The following ABHD16A variants were observed in gnomAD, a reference collection of about 807,000 sequenced individuals.
The protein encoded by ABHD16A is phosphatidylserine lipase ABHD16A.
A neutral mutation model predicts 89.8 loss-of-function variants in ABHD16A; 47 were observed. The ratio of observed to expected loss-of-function variants is 0.52; its 90% CI spans 0.41 to 0.67. ABHD16A has a LOEUF of 0.67. ABHD16A is among the 30% of genes least tolerant of loss of function. The pLI is 0.00. For synonymous variants in ABHD16A, 251 were observed against 280.4 expected (o/e 0.90, Z 1.05); for missense variants, 580 against 734.6 (o/e 0.79, Z 2.43).
chr6:31,701,867 C>T (rs1805040499), intron 2 of ABHD16A, among the ~76,000 whole-genome samples: 1 of 152,172 alleles, frequency 6.6e-6, no homozygotes, highest in South Asian at 2.1e-4. Context: ...AGGTTGCCCC[C>T]AGAGAAAGCA....
Position 31,688,876 on chromosome 6 carries a change from GC to G in ABHD16A, c.1187-91del. The G allele has an allele frequency of 6.8e-7, 1 of 1,471,182 alleles. No individual in the cohort carries two copies. The highest frequency in any genetic ancestry group is 9.3e-7 in the Non-Finnish European group (1 of 1,071,138). The allele number at this position is 1,471,182 out of a possible 1,614,324, so 91.1% of individuals were successfully genotyped here. A position where few individuals can be genotyped will look rare whatever the true frequency, so the allele number is the denominator to read the frequency against. On this transcript the variant is annotated intron_variant, in intron 13 of 19. Transcript: ENST00000395952. The surrounding 1 kb of genome is among the most constrained non-coding windows in gnomAD (Gnocchi z 4.9). ...CTATTCACGGAGAAAGAAAACTGAG[GC>G]CCCCAGACAAAGGAGTCCTCCTGCT...
chr6:31,702,420 C>T (rs959974642), intron 1 of ABHD16A, among the ~76,000 whole-genome samples: 1 of 152,060 alleles, frequency 6.6e-6, no homozygotes, highest in Admixed American at 6.6e-5. Flanking sequence ...ATTGCAGGCG[C>T]GTGCATGTGG....
chr6:31,688,643 G>A lies in ABHD16A; in HGVS notation c.1250+80C>T. Reference sequence around the variant, plus strand: ...TGGCCTTTTACCAACTTGCACTTTAGTACTAGTTTCAGGGTTTGAGCGCCC... The same window carrying A: ...TGGCCTTTTACCAACTTGCACTTTAATACTAGTTTCAGGGTTTGAGCGCCC... On this transcript the variant is annotated intron_variant, in intron 14 of 19. Transcript: ENST00000395952. The surrounding 1 kb of genome is among the most constrained non-coding windows in gnomAD (Gnocchi z 4.9). The A allele has an allele frequency of 6.6e-7, 1 of 1,518,108 alleles. No individual in the cohort carries two copies. Among genetic ancestry groups the A allele is most frequent in the South Asian group, 1.1e-5 (1 of 88,084 alleles). 94.0% of individuals were successfully genotyped at this position (1,518,108 alleles called of 1,614,324 possible). A position where few individuals can be genotyped will look rare whatever the true frequency, so the allele number is the denominator to read the frequency against.
rs988219793 is a variant in ABHD16A, at chr6:31,690,377, G to A, written c.907+162C>T. ...TAGGGACACAGGCCAGGGGAGGGAT[G>A]TAAGGTTATCAAAGCAAATGGCGAG... On this transcript the variant is annotated intron_variant, in intron 10 of 19. Transcript: ENST00000395952. This position sits in a 1 kb window ranked among gnomAD's most constrained non-coding sequence, Gnocchi z 4.1. The A allele has an allele frequency of 1.3e-5, 10 of 793,824 alleles. No homozygotes were observed. The highest frequency in any genetic ancestry group is 1.2e-4 in the African/African-American group (7 of 58,216). 49.2% of individuals were successfully genotyped at this position (793,824 alleles called of 1,614,324 possible).
rs1240917005 is a variant in ABHD16A, at chr6:31,698,691, T to A, written c.344-1658A>T. On this transcript the variant is annotated intron_variant, in intron 4 of 19. Transcript: ENST00000395952. This position sits in a 1 kb window ranked among gnomAD's most constrained non-coding sequence, Gnocchi z 4.1. ...TTTTCTAAATTAAAAATAAATAAAA[T>A]AAAAAACTAAGACAAAACTGAGCAG... is the stretch of plus-strand genomic sequence containing the variant. Among the ~76,000 whole-genome samples, 1 of 151,988 alleles carries A rather than the reference T, an allele frequency of 6.6e-6. No individual in the cohort carries two copies. Among genetic ancestry groups the A allele is most frequent in the African/African-American group, 2.4e-5 (1 of 41,346 alleles).
Position 31,693,545 on chromosome 6 carries a change from A to C in ABHD16A, c.430-113T>G, listed in dbSNP as rs1804113986. The C allele has an allele frequency of 1.8e-5, 18 of 990,466 alleles. No individual in the cohort carries two copies. The South Asian group carries it at 2.5e-4, about 14-fold the overall frequency. The allele number at this position is 990,466 out of a possible 1,614,324, so 61.4% of individuals were successfully genotyped here. ...GTCTGATCCCCACACATCATGGGGA[A>C]ACCAAGCGGAGGTCAATACCCTCCC... On this transcript the variant is annotated intron_variant, in intron 5 of 19. Transcript: ENST00000395952. The surrounding 1 kb of genome is among the most constrained non-coding windows in gnomAD (Gnocchi z 5.0).
Position 31,693,330 on chromosome 6 carries a change from G to A in ABHD16A, c.503+29C>T. On this transcript the variant is annotated intron_variant, in intron 6 of 19. Coordinates refer to ENST00000395952, the MANE Select transcript of ABHD16A (RefSeq NM_021160.3). The surrounding 1 kb of genome is among the most constrained non-coding windows in gnomAD (Gnocchi z 5.0). ...ATTTTCTGGAATGGTTCTAAGGGGA[G>A]AGATACAGCAAAAGAACTGGGGCCT... 1 of 1,612,022 alleles carries A rather than the reference G, an allele frequency of 6.2e-7. No homozygotes were observed. The highest frequency in any genetic ancestry group is 8.5e-7 in the Non-Finnish European group (1 of 1,179,050).
intron 1 of ABHD16A, 31 bp from the exon 2 acceptor site, chr6:31,702,161 C>T: frequency 6.2e-7 from 1 of 1,609,776 alleles, no homozygotes; most frequent in Non-Finnish European, 8.5e-7. Context: ...CTTAAGGACC[C>T]TGCCCACTGG....
In ABHD16A at chr6:31,693,547, C is replaced by A. The variant is rs968513591; in HGVS notation, c.430-115G>T. On this transcript the variant is annotated intron_variant, in intron 5 of 19. Coordinates refer to ENST00000395952, the MANE Select transcript of ABHD16A (RefSeq NM_021160.3). The surrounding 1 kb of genome is among the most constrained non-coding windows in gnomAD (Gnocchi z 5.0). Reference sequence around the variant, plus strand: ...CTGATCCCCACACATCATGGGGAAACCAAGCGGAGGTCAATACCCTCCCAA... The same window carrying A: ...CTGATCCCCACACATCATGGGGAAAACAAGCGGAGGTCAATACCCTCCCAA... 10 of 976,122 alleles carry A rather than the reference C, an allele frequency of 1.0e-5. No individual in the cohort carries two copies. Among genetic ancestry groups the A allele is most frequent in the Non-Finnish European group, 1.6e-5 (10 of 637,018 alleles). 60.5% of individuals were successfully genotyped at this position (976,122 alleles called of 1,614,324 possible). A position where few individuals can be genotyped will look rare whatever the true frequency, so the allele number is the denominator to read the frequency against.
At chr6:31,702,466 C>G in intron 1 of ABHD16A, 1 of 865,156 alleles carries the variant, frequency 1.2e-6, no homozygotes, top group East Asian at 2.9e-5. Context: ...GAAAAGACAC[C>G]TAGACAATCT....
At chr6:31,697,495 C>T (rs1465719727) in intron 4 of ABHD16A, among the ~76,000 whole-genome samples, 6 of 152,166 alleles carry the variant, frequency 3.9e-5, no homozygotes, top group Non-Finnish European at 8.8e-5. Context: ...TCTCCGACTC[C>T]TGCCCATAAT....
intron 1 of ABHD16A, chr6:31,702,796 G>A: frequency 7.0e-7 from 1 of 1,436,012 alleles, no homozygotes; most frequent in Non-Finnish European, 9.2e-7. Flanking sequence ...GAGGAAACTG[G>A]GAGTCTGACA....
In ABHD16A at chr6:31,690,438, C is replaced by T. The variant is rs1309481751; in HGVS notation, c.907+101G>A. 1 of 1,316,678 alleles carries T rather than the reference C, an allele frequency of 7.6e-7. No individual in the cohort carries two copies. The highest frequency in any genetic ancestry group is 1.5e-5 in the African/African-American group (1 of 68,632). 81.6% of individuals were successfully genotyped at this position (1,316,678 alleles called of 1,614,324 possible). On this transcript the variant is annotated intron_variant, in intron 10 of 19. Coordinates refer to ENST00000395952, the MANE Select transcript of ABHD16A (RefSeq NM_021160.3). This position sits in a 1 kb window ranked among gnomAD's most constrained non-coding sequence, Gnocchi z 4.1. The stretch of plus-strand genomic sequence containing the variant: ...CCTAAAGCTGAGAGACTCAAAACCT[C>T]ACCCAGAGAAAGCAGAGGCCAGGGG...
chr6:31,687,428 G>C lies in ABHD16A; in HGVS notation c.1593+70C>G. The C allele has an allele frequency of 6.2e-7, 1 of 1,610,436 alleles. No individual in the cohort carries two copies. Among genetic ancestry groups the C allele is most frequent in the Non-Finnish European group, 8.5e-7 (1 of 1,177,708 alleles). ...AGCTGCCACTTCCAATGCTTATAGG[G>C]TATCCCCAGTCCCCCTATGTGAGCC... On this transcript the variant is annotated intron_variant, in intron 19 of 19. Coordinates refer to ENST00000395952, the MANE Select transcript of ABHD16A (RefSeq NM_021160.3). The surrounding 1 kb of genome is among the most constrained non-coding windows in gnomAD (Gnocchi z 6.3).
At position 31,688,025 on chromosome 6, in the gene ABHD16A, A is replaced by G. The variant is rs775243440; in HGVS notation, c.1370+16T>C. On this transcript the variant is annotated intron_variant, in intron 16 of 19. Transcript: ENST00000395952. The surrounding 1 kb of genome is among the most constrained non-coding windows in gnomAD (Gnocchi z 4.9). ...TGTGTACACTGCCCCCAGCGCGCAC[A>G]CACCCTGGCTCTCACCGATGCTGCA... 3 of 1,611,630 alleles carry G rather than the reference A, an allele frequency of 1.9e-6. No individual in the cohort carries two copies. The highest frequency in any genetic ancestry group is 2.7e-5 in the African/African-American group (2 of 74,848).
In ABHD16A at chr6:31,689,007, G is replaced by A. The variant is rs757057541; in HGVS notation, c.1186+8C>T. On this transcript the variant is annotated splice_region_variant and intron_variant, in intron 13 of 19. Coordinates refer to ENST00000395952, the MANE Select transcript of ABHD16A (RefSeq NM_021160.3). ...CCCAGGAAGGGCAGGCCTGGGAGCT[G>A]CACTCACTCCAGCTGTCTGGCATGA... is the stretch of plus-strand genomic sequence containing the variant. The A allele has an allele frequency of 2.9e-5, 47 of 1,611,042 alleles. No homozygotes were observed. The highest frequency in any genetic ancestry group is 1.3e-4 in the South Asian group (12 of 90,784).
chr6:31,702,429 G>A (rs1805106006), intron 1 of ABHD16A, among the ~76,000 whole-genome samples: 1 of 152,156 alleles, frequency 6.6e-6, no homozygotes, highest in Non-Finnish European at 1.5e-5. Context: ...GCGTGCATGT[G>A]GGGAGAAGGG....
Position 31,690,511 on chromosome 6 carries a change from A to C in ABHD16A, c.907+28T>G. On this transcript the variant is annotated intron_variant, in intron 10 of 19. Coordinates refer to ENST00000395952, the MANE Select transcript of ABHD16A (RefSeq NM_021160.3). This position sits in a 1 kb window ranked among gnomAD's most constrained non-coding sequence, Gnocchi z 4.1. ...AGGGACATTCCCTTTCAAAGGGCGG[A>C]GATAAGGAGGCTGAGTCACCGTCCT... 6.2e-7 allele frequency: 1 copy of C among 1,611,262 alleles called. No individual in the cohort carries two copies. The highest frequency in any genetic ancestry group is 8.5e-7 in the Non-Finnish European group (1 of 1,178,412).
At position 31,688,892 on chromosome 6, in the gene ABHD16A, G is replaced by C; in HGVS notation, c.1187-106C>G. ...AAAACTGAGGCCCCCAGACAAAGGA[G>C]TCCTCCTGCTTCCAACAATGGGGCG... On this transcript the variant is annotated intron_variant, in intron 13 of 19. Transcript: ENST00000395952. The surrounding 1 kb of genome is among the most constrained non-coding windows in gnomAD (Gnocchi z 4.9). 2.8e-6 allele frequency: 4 copies of C among 1,429,972 alleles called. No individual in the cohort carries two copies. Among genetic ancestry groups the C allele is most frequent in the African/African-American group, 2.9e-5 (2 of 70,136 alleles). 88.6% of individuals were successfully genotyped at this position (1,429,972 alleles called of 1,614,324 possible).
Sources: gnomAD v4.1 joint callset for allele counts (sites outside exome capture counted in the v4.1 genomes callset) on GRCh38, gnomAD v4.1.1 for gene constraint, Gnocchi (gnomAD v3.1) non-coding constraint, MANE v1.5 for transcripts, NCBI Gene and HGNC (gene_info 2026-07-23, HGNC 2026-07-21) for gene names.